The following PPP1R1B variants were observed in gnomAD, a reference collection of about 807,000 sequenced individuals.
The protein encoded by PPP1R1B is protein phosphatase 1 regulatory subunit 1B.
Under a neutral mutation model 28.2 loss-of-function variants are expected in PPP1R1B, and 13 were observed. The ratio of observed to expected loss-of-function variants is 0.46; its 90% CI spans 0.30 to 0.73. The LOEUF is 0.73. Ranked by LOEUF, PPP1R1B falls within the 30% of genes least tolerant of loss-of-function variation. PPP1R1B has a pLI of 0.07. For synonymous variants in PPP1R1B, 102 were observed against 97.5 expected (o/e 1.05, Z -0.27); for missense variants, 236 against 256.7 (o/e 0.92, Z 0.55).
intron 3 of PPP1R1B, 163 bp from the exon 4 acceptor site, chr17:39,629,809 G>A (rs757849329): frequency 1.7e-5 from 15 of 876,034 alleles, no homozygotes; most frequent in South Asian, 3.2e-5. Context: ...CTTATGGGGG[G>A]CCCCCCCTAA....
chr17:39,629,672 C>G, intron 3 of PPP1R1B, 110 bp downstream of exon 3: 1 of 1,126,506 alleles, frequency 8.9e-7, no homozygotes, highest in Non-Finnish European at 1.3e-6. Flanking sequence ...CAAGAGGACA[C>G]ATTAGCATAT....
At position 39,635,641 on chromosome 17, in the gene PPP1R1B, A is replaced by G. The variant is rs34257414; in HGVS notation, c.480A>G (p.Glu160=). The change falls in exon 6 of 7, where the codon GAA becomes GAG. Residue 160 remains glutamate (E), a synonymous_variant. Transcript: ENST00000254079. ...AGACAACCTGTGGCCAGGGTCTGGA[A>G]GGGCCCTGGGAGCGCCCACCCCCTC... ...GQKTTCGQGL[E]GPWERPPPLD... 4,236 of 1,614,090 alleles carry G rather than the reference A, an allele frequency of 2.6e-3. 116 individuals are homozygous for G. The African/African-American group carries it at 0.05, about 19-fold the overall frequency.
At position 39,633,943 on chromosome 17, in the gene PPP1R1B, C is replaced by T. The variant is rs758721684; in HGVS notation, c.302C>T (p.Ala101Val). The stretch of plus-strand genomic sequence containing the variant: ...ATCAGCAATTTGAATGAGAACCAGG[C>T]CTCAGAGGAGGAGGATGAGCTGGGG... The part of the protein sequence containing the change: ...QSISNLNENQ[A>V]SEEEDELGEL... The change falls in exon 5 of 7, where the codon GCC becomes GTC. Residue 101 changes from alanine (A) to valine (V), a missense_variant. Ala to Val is a moderately conservative substitution (Grantham distance 64). Coordinates refer to ENST00000254079, the MANE Select transcript of PPP1R1B (RefSeq NM_032192.4). 1.2e-6 allele frequency: 2 copies of T among 1,613,748 alleles called. No homozygotes were observed. The highest frequency in any genetic ancestry group is 4.5e-5 in the East Asian group (2 of 44,884).
intron 4 of PPP1R1B, chr17:39,632,395 A>C (rs917279288): frequency 4.6e-5 from 7 of 152,986 alleles, no homozygotes; most frequent in African/African-American, 1.7e-4. Context: ...GGGAGAAGGA[A>C]GCTGCCTGGG....
chr17:39,629,431 C>A, intron 2 of PPP1R1B, 109 bp from the exon 3 acceptor site: 1 of 1,468,904 alleles, frequency 6.8e-7, no homozygotes, highest in South Asian at 1.1e-5. Context: ...TTCCCTGTCC[C>A]CAGAGATTGA....
chr17:39,634,809 T>A (rs190052543), intron 5 of PPP1R1B, among the ~76,000 whole-genome samples: 3 of 152,286 alleles, frequency 2.0e-5, no homozygotes, highest in Admixed American at 6.5e-5. Context: ...AGTCCCTTTG[T>A]GGGCAAGAGA....
chr17:39,631,020 G>C (rs1353003815), intron 4 of PPP1R1B, among the ~76,000 whole-genome samples: 2 of 151,968 alleles, frequency 1.3e-5, no homozygotes, highest in Non-Finnish European at 2.9e-5. Flanking sequence ...GGTGAGCTGA[G>C]ATCGCACCAT....
In PPP1R1B at chr17:39,627,275, G is replaced by T. The variant is rs955319472; in HGVS notation, c.-118G>T. The T allele has an allele frequency of 6.0e-6, 4 of 669,606 alleles. No homozygotes were observed. The highest frequency in any genetic ancestry group is 9.3e-6 in the Non-Finnish European group (4 of 428,054). The allele number at this position is 669,606 out of a possible 1,614,324, so 41.5% of individuals were successfully genotyped here. A position where few individuals can be genotyped will look rare whatever the true frequency, so the allele number is the denominator to read the frequency against. On this transcript the variant is annotated 5_prime_UTR_variant, in exon 1 of 7. Transcript: ENST00000254079. ...GGGCACGGTATTTTTATCCGTGCGC[G>T]AACAGCCCTCCTCCTCCTCTCGCCG...
intron 5 of PPP1R1B, among the ~76,000 whole-genome samples, chr17:39,634,297 G>A (rs1412143831): frequency 1.3e-5 from 2 of 152,316 alleles, no homozygotes; most frequent in East Asian, 1.9e-4. Flanking sequence ...TCCCAATCAG[G>A]TTTTCCCTAA....
In PPP1R1B at chr17:39,635,869, C is replaced by T. The variant is rs1178394448; in HGVS notation, c.*4C>T. ...CCCCTCTGAGCCTGGCACATAGGCA[C>T]CCAGCCTGCATCTCCCAGGAGGAAG... On this transcript the variant is annotated 3_prime_UTR_variant, in exon 7 of 7. Coordinates refer to ENST00000254079, the MANE Select transcript of PPP1R1B (RefSeq NM_032192.4). The T allele has an allele frequency of 3.7e-6, 6 of 1,612,334 alleles. No homozygotes were observed. Among genetic ancestry groups the T allele is most frequent in the African/African-American group, 1.3e-5 (1 of 74,848 alleles).
intron 4 of PPP1R1B, 100 bp downstream of exon 4, chr17:39,630,147 C>T: frequency 8.8e-7 from 1 of 1,134,228 alleles, no homozygotes; most frequent in Non-Finnish European, 1.3e-6. Flanking sequence ...TGTTTCGCCA[C>T]ACATAGCCCG....
At chr17:39,634,824 TG>T (rs1302299172) in intron 5 of PPP1R1B, among the ~76,000 whole-genome samples, 1 of 152,168 alleles carries the variant, frequency 6.6e-6, no homozygotes, top group South Asian at 2.1e-4. Flanking sequence ...AAGAGACAGC[TG>T]GAAGACCTGA....
intron 4 of PPP1R1B, chr17:39,630,340 C>T: frequency 2.4e-6 from 1 of 417,348 alleles, no homozygotes; most frequent in Non-Finnish European, 4.5e-6. Flanking sequence ...AGGGACTCCA[C>T]CTGCAGCTCC....
At chr17:39,631,140 C>T (rs897957815) in intron 4 of PPP1R1B, among the ~76,000 whole-genome samples, 4 of 151,896 alleles carry the variant, frequency 2.6e-5, no homozygotes, top group Non-Finnish European at 5.9e-5. Context: ...GAGGCTAAGG[C>T]ACAAGGATTG....
In PPP1R1B at chr17:39,636,152, C is replaced by A. The variant is rs112668475; in HGVS notation, c.*287C>A. 2 of 474,020 alleles carry A rather than the reference C, an allele frequency of 4.2e-6. No individual in the cohort carries two copies. The highest frequency in any genetic ancestry group is 2.0e-5 in the African/African-American group (1 of 51,190). 29.4% of individuals were successfully genotyped at this position (474,020 alleles called of 1,614,324 possible). ...GCCCACATTGGAAAATCCAGAAAAC[C>A]GGGAACAGGGATTTGCCCTTCACAA... is the stretch of plus-strand genomic sequence containing the variant. On this transcript the variant is annotated 3_prime_UTR_variant, in exon 7 of 7. Coordinates refer to ENST00000254079, the MANE Select transcript of PPP1R1B (RefSeq NM_032192.4).
In PPP1R1B at chr17:39,633,914, G is replaced by A. The variant is rs1242731207; in HGVS notation, c.273G>A (p.Gln91=). 1 of 1,613,904 alleles carries A rather than the reference G, an allele frequency of 6.2e-7. No homozygotes were observed. The highest frequency in any genetic ancestry group is 8.5e-7 in the Non-Finnish European group (1 of 1,179,864). The change falls in exon 5 of 7, where the codon CAG becomes CAA. Residue 91 remains glutamine, a synonymous_variant. Transcript: ENST00000254079. The part of the protein sequence containing the change: ...AVQRIAESHL[Q]SISNLNENQA... Reference sequence around the variant, plus strand: ...AGCGCATTGCTGAGTCTCACCTGCAGTCTATCAGCAATTTGAATGAGAACC... The same window carrying A: ...AGCGCATTGCTGAGTCTCACCTGCAATCTATCAGCAATTTGAATGAGAACC...
Position 39,627,459 on chromosome 17 carries a change from C to T in PPP1R1B, c.67C>T (p.Arg23Cys), listed in dbSNP as rs2056845825. The change falls in exon 1 of 7, where the codon CGC becomes TGC. Residue 23 changes from arginine to cysteine, a missense_variant. Coordinates refer to ENST00000254079, the MANE Select transcript of PPP1R1B (RefSeq NM_032192.4). The stretch of plus-strand genomic sequence containing the variant: ...CGCGCCCCCTAGCCAGCTCGACCCC[C>T]GCCAGGTGGAGATGGTAAGGGGCCC... ...VPAPPSQLDP[R>C]QVEMIRRRRP... is the part of the protein sequence containing the mutation. 1.3e-6 allele frequency: 2 copies of T among 1,591,152 alleles called. No individual in the cohort carries two copies. Among genetic ancestry groups the T allele is most frequent in the Non-Finnish European group, 1.7e-6 (2 of 1,168,144 alleles).
chr17:39,635,754 G>A, intron 6 of PPP1R1B, 28 bp downstream of exon 6: 1 of 1,612,282 alleles, frequency 6.2e-7, no homozygotes, highest in South Asian at 1.1e-5. Flanking sequence ...GAAATGGGGA[G>A]GAGGGGCTGG....
chr17:39,629,476 TCTCC>T, intron 2 of PPP1R1B, 60 bp from the exon 3 acceptor site: 2 of 1,598,468 alleles, frequency 1.3e-6, no homozygotes, highest in South Asian at 1.1e-5. Flanking sequence ...TCTTTCTCTC[TCTCC>T]CTCTTCTCTT....
Sources: gnomAD v4.1 joint callset for allele counts (sites outside exome capture counted in the v4.1 genomes callset) on GRCh38, gnomAD v4.1.1 for gene constraint, MANE v1.5 for transcripts, NCBI Gene and HGNC (gene_info 2026-07-23, HGNC 2026-07-21) for gene names.